HHAT: variants seen among roughly 807,000 people sequenced by gnomAD.
HHAT encodes the protein protein-cysteine N-palmitoyltransferase HHAT.
In HHAT, 47 loss-of-function variants were observed where a neutral mutation model predicts 70.8. That is an observed-to-expected ratio of 0.66 (90% CI 0.53 to 0.85). HHAT has a LOEUF of 0.85. HHAT is among the 40% of genes least tolerant of loss of function. The probability of loss-of-function intolerance (pLI) is 0.00; values close to 1 mark genes in which losing one functional copy is unlikely to be tolerated. For synonymous variants in HHAT, 228 were observed against 247.6 expected (o/e 0.92, Z 0.74); for missense variants, 609 against 604.8 (o/e 1.01, Z -0.07).
chr1:210,645,026 T>A (rs1426475981), intron 11 of HHAT, among the ~76,000 whole-genome samples: 1 of 152,176 alleles, frequency 6.6e-6, no homozygotes, highest in Admixed American at 6.5e-5. Flanking sequence ...TTTAATATAT[T>A]TAAAGTTAAT....
chr1:210,451,230 G>A (rs925996650), intron 7 of HHAT, among the ~76,000 whole-genome samples: 6 of 152,142 alleles, frequency 3.9e-5, no homozygotes, highest in African/African-American at 1.4e-4. Context: ...TTTGCTCTCA[G>A]ACTAGCAGAG....
chr1:210,352,289 C>T (rs2087105579), intron 2 of HHAT, among the ~76,000 whole-genome samples: 1 of 152,124 alleles, frequency 6.6e-6, no homozygotes. Context: ...AGGCCATTCC[C>T]AAGAAATATC....
At chr1:210,624,847 C>A (rs556898284) in intron 11 of HHAT, among the ~76,000 whole-genome samples, 1 of 152,348 alleles carries the variant, frequency 6.6e-6, no homozygotes, top group East Asian at 1.9e-4. Context: ...CTGTTCCCTG[C>A]CCAGTGACAC....
intron 3 of HHAT, among the ~76,000 whole-genome samples, chr1:210,376,702 G>A (rs1230250155): frequency 6.6e-6 from 1 of 152,150 alleles, no homozygotes; most frequent in Non-Finnish European, 1.5e-5. Context: ...TGGGTGGGGA[G>A]GTGTCTCTTG....
chr1:210,476,087 T>C (rs2094302334), intron 8 of HHAT, among the ~76,000 whole-genome samples: 1 of 152,184 alleles, frequency 6.6e-6, no homozygotes, highest in Non-Finnish European at 1.5e-5. Context: ...GCGTATTCTG[T>C]AGCACTGTGG....
chr1:210,459,621 C>T (rs967967721), intron 7 of HHAT, among the ~76,000 whole-genome samples: 5 of 152,164 alleles, frequency 3.3e-5, no homozygotes, highest in African/African-American at 1.2e-4. Flanking sequence ...CTCTTCACCC[C>T]CTTCAAGTTT....
Position 210,383,787 on chromosome 1 carries a change from G to A in HHAT, c.160-3681G>A, listed in dbSNP as rs149211959. ...GAAAACTCTCTAAAAGATAAGGTCT[G>A]TTAAACAAATTGAGCTACTTTAAAG... On this transcript the variant is annotated intron_variant, in intron 3 of 11. Coordinates refer to ENST00000261458, the MANE Select transcript of HHAT (RefSeq NM_018194.6). Among the ~76,000 whole-genome samples the A allele has an allele frequency of 3.7e-3, 569 of 152,324 alleles. 6 individuals carry two copies. Among genetic ancestry groups the A allele is most frequent in the African/African-American group, 0.013 (522 of 41,570 alleles).
At chr1:210,608,911 GGC>G (rs1666045023) in intron 10 of HHAT, among the ~76,000 whole-genome samples, 1 of 152,092 alleles carries the variant, frequency 6.6e-6, no homozygotes, top group African/African-American at 2.4e-5. Flanking sequence ...TTACAATCAT[GGC>G]GGAAGGCGAA....
intron 2 of HHAT, among the ~76,000 whole-genome samples, chr1:210,349,596 C>T (rs1478586256): frequency 1.3e-5 from 2 of 151,772 alleles, no homozygotes; most frequent in African/African-American, 2.4e-5. Flanking sequence ...GTCCCACGGG[C>T]ACAGCTGGGA....
At position 210,588,051 on chromosome 1, in the gene HHAT, G is replaced by A. The variant is rs768214962; in HGVS notation, c.1197G>A (p.Glu399=). 1.9e-5 allele frequency: 30 copies of A among 1,613,356 alleles called. No individual in the cohort carries two copies. The highest frequency in any genetic ancestry group is 9.3e-5 in the African/African-American group (7 of 74,930). ...AALNWLGVTV[E]NGVRRLVETP... is the part of the protein sequence containing the mutation. The stretch of plus-strand genomic sequence containing the variant: ...TCAACTGGCTGGGAGTCACTGTGGA[G>A]AATGGAGTCCGGAGGCTGGTGGAGA... The change falls in exon 10 of 12, where the codon GAG becomes GAA. Residue 399 remains glutamate (E), a synonymous_variant. Coordinates refer to ENST00000261458, the MANE Select transcript of HHAT (RefSeq NM_018194.6).
At chr1:210,617,099 C>T (rs555521012) in intron 10 of HHAT, among the ~76,000 whole-genome samples, 1 of 152,342 alleles carries the variant, frequency 6.6e-6, no homozygotes, top group South Asian at 2.1e-4. Context: ...TTGGGCTGGT[C>T]CAAAGCTGTT....
intron 8 of HHAT, among the ~76,000 whole-genome samples, chr1:210,493,492 G>A (rs1204357589): frequency 6.6e-6 from 1 of 152,054 alleles, no homozygotes; most frequent in East Asian, 1.9e-4. Context: ...TTTATTCCAG[G>A]TCTACTGATT....
Position 210,674,550 on chromosome 1 carries a change from ATCT to A in HHAT, c.*175_*177del, listed in dbSNP as rs1553332127. On this transcript the variant is annotated 3_prime_UTR_variant, in exon 12 of 12. Coordinates refer to ENST00000261458, the MANE Select transcript of HHAT (RefSeq NM_018194.6). Reference sequence around the variant, plus strand: ...CTCATAGAAAATTCACAGCCAGACAATCTTCTAATCTGGAGTCTTTGAGATCTT... The same window carrying A: ...CTCATAGAAAATTCACAGCCAGACAATCTAATCTGGAGTCTTTGAGATCTT... 1.7e-6 allele frequency: 1 copy of A among 585,542 alleles called. No homozygotes were observed. Among genetic ancestry groups the A allele is most frequent in the Non-Finnish European group, 3.0e-6 (1 of 329,736 alleles). 36.3% of individuals were successfully genotyped at this position (585,542 alleles called of 1,614,324 possible).
At chr1:210,457,945 G>T (rs12025490) in intron 7 of HHAT, among the ~76,000 whole-genome samples, 62,893 of 151,978 alleles carry the variant, frequency 0.41, 13,932 homozygotes, top group African/African-American at 0.58. Context: ...ATATCAGCAA[G>T]TACAAAAAGA....
intron 7 of HHAT, among the ~76,000 whole-genome samples, chr1:210,441,421 C>G (rs2093505188): frequency 6.6e-6 from 1 of 152,158 alleles, no homozygotes; most frequent in Non-Finnish European, 1.5e-5. Flanking sequence ...CAAAAGAGAC[C>G]TTGCTCGCTT....
intron 1 of HHAT, 129 bp from the exon 2 acceptor site, chr1:210,348,804 G>A: frequency 1.2e-6 from 1 of 841,566 alleles, no homozygotes; most frequent in Non-Finnish European, 1.8e-6. Context: ...GAGGAAGCTT[G>A]ATTGGGGTTA....
At chr1:210,615,993 T>C (rs1170998915) in intron 10 of HHAT, among the ~76,000 whole-genome samples, 2 of 152,198 alleles carry the variant, frequency 1.3e-5, no homozygotes, top group Non-Finnish European at 2.9e-5. Flanking sequence ...TCACCCATCT[T>C]CTGCTATACT....
intron 11 of HHAT, 145 bp from the exon 12 acceptor site, chr1:210,674,143 G>A: frequency 1.5e-6 from 1 of 654,108 alleles, no homozygotes; most frequent in South Asian, 1.8e-5. Context: ...GGACTCAATT[G>A]CTGAAGTTGT....
At chr1:210,584,406 T>C (rs1011758841) in intron 9 of HHAT, among the ~76,000 whole-genome samples, 2 of 152,186 alleles carry the variant, frequency 1.3e-5, no homozygotes, top group African/African-American at 4.8e-5. Flanking sequence ...CTATTTTATT[T>C]TTACATACAA....
Sources: allele counts gnomAD v4.1 joint callset (sites outside exome capture counted in the v4.1 genomes callset), GRCh38; gene constraint gnomAD v4.1.1; transcripts MANE v1.5; gene names NCBI Gene and HGNC (gene_info 2026-07-23, HGNC 2026-07-21).